CNTNAP2: variants seen among roughly 807,000 people sequenced by gnomAD.
CNTNAP2 encodes the protein contactin-associated protein-like 2.
In CNTNAP2, 98 loss-of-function variants were observed where a neutral mutation model predicts 155.2. The observed-to-expected ratio is 0.63, with a 90% CI of 0.54 to 0.75. The LOEUF (loss-of-function observed/expected upper bound fraction) is 0.75, where lower values mean the gene tolerates loss of function less well. CNTNAP2 is among the 30% of genes least tolerant of loss of function. CNTNAP2 has a pLI of 0.00. For synonymous variants in CNTNAP2, 651 were observed against 631.2 expected, an observed-to-expected ratio of 1.03 and a Z score of -0.47; for missense variants, 1,727 against 1,688.1, an observed-to-expected ratio of 1.02 and a Z score of -0.40.
chr7:147,764,993 A>G (rs1219092932), intron 13 of CNTNAP2, among the ~76,000 whole-genome samples: 2 of 152,186 alleles, frequency 1.3e-5, no homozygotes, highest in African/African-American at 2.4e-5. Context: ...TAACTTCATA[A>G]TGCTGCTGAA....
chr7:146,676,057 C>T (rs1371013843), intron 1 of CNTNAP2, among the ~76,000 whole-genome samples: 1 of 151,958 alleles, frequency 6.6e-6, no homozygotes, highest in Admixed American at 6.6e-5. Flanking sequence ...ATAGGCTAAG[C>T]TATATTATAT....
intron 18 of CNTNAP2, among the ~76,000 whole-genome samples, chr7:148,173,544 G>A (rs529659142): frequency 8.5e-5 from 13 of 152,156 alleles, no homozygotes; most frequent in Non-Finnish European, 1.8e-4. Flanking sequence ...GTTTGGCAGC[G>A]CTATAATATG....
At chr7:146,244,109 GAGA>G (rs1326723760) in intron 1 of CNTNAP2, among the ~76,000 whole-genome samples, 4 of 152,142 alleles carry the variant, frequency 2.6e-5, no homozygotes, top group Non-Finnish European at 5.9e-5. Context: ...AATGGAATAA[GAGA>G]AGGAGAAAAA....
At chr7:148,332,763 C>T (rs1798052279) in intron 21 of CNTNAP2, among the ~76,000 whole-genome samples, 1 of 152,202 alleles carries the variant, frequency 6.6e-6, no homozygotes, top group South Asian at 2.1e-4. Flanking sequence ...TTATCTGCCT[C>T]TCAGGCTGTT....
At chr7:146,983,285 A>G (rs999475445) in intron 3 of CNTNAP2, among the ~76,000 whole-genome samples, 3 of 152,162 alleles carry the variant, frequency 2.0e-5, no homozygotes, top group African/African-American at 7.2e-5. Flanking sequence ...CATGTTTTTG[A>G]TTAGCTCTGA....
chr7:146,654,793 A>G (rs1346372297), intron 1 of CNTNAP2, among the ~76,000 whole-genome samples: 7 of 152,146 alleles, frequency 4.6e-5, no homozygotes. Context: ...AGCAGTTTCA[A>G]TTACAAGTCA....
At chr7:147,577,512 C>A (rs908186073) in intron 12 of CNTNAP2, among the ~76,000 whole-genome samples, 2 of 151,768 alleles carry the variant, frequency 1.3e-5, no homozygotes, top group African/African-American at 4.8e-5. Flanking sequence ...TCTGTAGCCC[C>A]CATTCTACTT....
intron 15 of CNTNAP2, among the ~76,000 whole-genome samples, chr7:148,018,846 G>A (rs1802227993): frequency 6.6e-6 from 1 of 152,206 alleles, no homozygotes; most frequent in South Asian, 2.1e-4. Context: ...TGTTTGTTAA[G>A]TTCATTTTCC....
In CNTNAP2 at chr7:147,441,940, G is replaced by T. The variant is rs184132050; in HGVS notation, c.1671-43995G>T. On this transcript the variant is annotated intron_variant, in intron 10 of 23. Coordinates refer to ENST00000361727, the MANE Select transcript of CNTNAP2 (RefSeq NM_014141.6). ...GTGGAATGACGTAAGCACCCCTATGGCAACCACCACTAGGTGGACCTGAAG... is the reference window on the plus strand; with the variant it reads ...GTGGAATGACGTAAGCACCCCTATGTCAACCACCACTAGGTGGACCTGAAG... Among the ~76,000 whole-genome samples the T allele has an allele frequency of 3.8e-3, 541 of 144,212 alleles. 3 individuals carry two copies. Among genetic ancestry groups the T allele is most frequent in the African/African-American group, 0.013 (502 of 39,524 alleles). The allele number at this position is 144,212 out of a possible 152,430, so 94.6% of individuals were successfully genotyped here. A position where few individuals can be genotyped will look rare whatever the true frequency, so the allele number is the denominator to read the frequency against.
intron 16 of CNTNAP2, among the ~76,000 whole-genome samples, chr7:148,126,928 G>T (rs2116622688): frequency 6.6e-6 from 1 of 152,298 alleles, no homozygotes; most frequent in East Asian, 1.9e-4. Context: ...AGGGTGGACT[G>T]CAATCAGAGG....
intron 1 of CNTNAP2, among the ~76,000 whole-genome samples, chr7:146,654,974 T>C (rs1799971898): frequency 6.6e-6 from 1 of 152,156 alleles, no homozygotes; most frequent in African/African-American, 2.4e-5. Context: ...AAATCCCTTT[T>C]ACCTAATAGG....
chr7:148,372,930 C>CT (rs1364282523), intron 21 of CNTNAP2, among the ~76,000 whole-genome samples: 31 of 152,040 alleles, frequency 2.0e-4, no homozygotes, highest in African/African-American at 7.2e-4. Context: ...ACTTTTAAGA[C>CT]TTTTTTATTG....
At chr7:146,679,203 T>G (rs879161247) in intron 1 of CNTNAP2, among the ~76,000 whole-genome samples, 2 of 152,118 alleles carry the variant, frequency 1.3e-5, no homozygotes, top group African/African-American at 2.4e-5. Flanking sequence ...TTGTTCCCTT[T>G]ATGTGCCCAT....
intron 14 of CNTNAP2, among the ~76,000 whole-genome samples, chr7:147,926,266 T>C (rs1223147099): frequency 6.6e-6 from 1 of 152,140 alleles, no homozygotes; most frequent in Non-Finnish European, 1.5e-5. Flanking sequence ...TGATGGACCT[T>C]GGAGACTTAC....
At chr7:146,670,092 G>T (rs1163901365) in intron 1 of CNTNAP2, among the ~76,000 whole-genome samples, 5 of 152,104 alleles carry the variant, frequency 3.3e-5, no homozygotes, top group Admixed American at 2.0e-4. Context: ...GTATGTATTT[G>T]TTCAGTGTAG....
At chr7:146,454,990 A>T (rs7777215) in intron 1 of CNTNAP2, among the ~76,000 whole-genome samples, 92,881 of 151,984 alleles carry the variant, frequency 0.61, 30,612 homozygotes, top group South Asian at 0.85. Context: ...ATGTAGTTGC[A>T]CACCTTCCTT....
chr7:147,681,912 C>G (rs893636923), intron 13 of CNTNAP2, among the ~76,000 whole-genome samples: 7 of 151,444 alleles, frequency 4.6e-5, no homozygotes, highest in African/African-American at 1.7e-4. Context: ...AATGTGTCAC[C>G]CATGGATAAA....
At chr7:148,390,591 T>TA (rs1250324433) in intron 22 of CNTNAP2, among the ~76,000 whole-genome samples, 1 of 152,170 alleles carries the variant, frequency 6.6e-6, no homozygotes. Flanking sequence ...TACCAGGATG[T>TA]TTGTTTTGCA....
intron 3 of CNTNAP2, among the ~76,000 whole-genome samples, chr7:146,922,056 G>A (rs1225764281): frequency 1.3e-5 from 2 of 152,062 alleles, no homozygotes; most frequent in South Asian, 2.1e-4. Flanking sequence ...CTTTCAGAAT[G>A]ATAGATATCA....
Sources: gnomAD v4.1 joint callset for allele counts (sites outside exome capture counted in the v4.1 genomes callset) on GRCh38, gnomAD v4.1.1 for gene constraint, MANE v1.5 for transcripts, NCBI Gene and HGNC (gene_info 2026-07-23, HGNC 2026-07-21) for gene names.